The following MIB1 variants were observed in gnomAD, a reference collection of about 807,000 sequenced individuals.
MIB1 encodes MIB E3 ubiquitin protein ligase 1, also known as E3 ubiquitin-protein ligase MIB1.
MIB1 carries 278 observed loss-of-function variants against 124.5 expected under a neutral mutation model. That is an observed-to-expected ratio of 2.23 (90% CI 2.02 to 2.47). The LOEUF (loss-of-function observed/expected upper bound fraction) is 2.47, where lower values mean the gene tolerates loss of function less well. MIB1 is among the 30% of genes most tolerant of loss of function. The pLI is 0.00. For synonymous variants in MIB1, 446 were observed against 429.4 expected, an observed-to-expected ratio of 1.04 and a Z score of -0.48; for missense variants, 957 against 1,254.4, an observed-to-expected ratio of 0.76 and a Z score of 3.58.
rs148027751 is a variant in MIB1 at position 21,796,624 on chromosome 18, A to G, written c.1093-1460A>G. Among the ~76,000 whole-genome samples, 36 of 152,338 alleles carry G rather than the reference A, an allele frequency of 2.4e-4. No homozygotes were observed. The Middle Eastern group carries it at 0.01, about 43-fold the overall frequency. On this transcript the variant is annotated intron_variant, in intron 7 of 20. Transcript: ENST00000261537. The stretch of plus-strand genomic sequence containing the variant: ...CCTATTTCCTAGCTGTATTCATGAA[A>G]ATGCCTCCACTGTGACCATTTTAGT...
Position 21,857,100 on chromosome 18 carries a change from G to A in MIB1, c.2666-30G>A, listed in dbSNP as rs777953160. 6 of 1,447,738 alleles carry A rather than the reference G, an allele frequency of 4.1e-6. No individual in the cohort carries two copies. In the South Asian group the frequency reaches 6.9e-5, roughly 17 times the overall value. The allele number at this position is 1,447,738 out of a possible 1,614,324, so 89.7% of individuals were successfully genotyped here. ...AACACTCCTATTAATGTTCTCTCTT[G>A]TAAGAAGTGTCTGTGTTACCGTTTT... On this transcript the variant is annotated intron_variant, in intron 18 of 20. Transcript: ENST00000261537.
chr18:21,765,483 C>T (rs2041145955), intron 1 of MIB1, among the ~76,000 whole-genome samples: 1 of 152,122 alleles, frequency 6.6e-6, no homozygotes, highest in African/African-American at 2.4e-5. Flanking sequence ...TTCTTTCTTT[C>T]TCTGTGCTGA....
intron 1 of MIB1, among the ~76,000 whole-genome samples, chr18:21,728,474 C>T (rs989282869): frequency 2.0e-5 from 3 of 151,754 alleles, no homozygotes; most frequent in Admixed American, 1.3e-4. Context: ...GCCTGGGAGA[C>T]GAGAAAAAAA....
At chr18:21,827,066 T>C (rs2041931489) in intron 12 of MIB1, 1 of 152,120 alleles carries the variant, frequency 6.6e-6, no homozygotes, top group African/African-American at 2.4e-5. Context: ...CAGTTTCATA[T>C]ACTGGCCATA....
intron 7 of MIB1, among the ~76,000 whole-genome samples, chr18:21,796,080 G>A (rs956937165): frequency 7.2e-5 from 11 of 152,034 alleles, no homozygotes; most frequent in Non-Finnish European, 1.5e-4. Context: ...TTTGAGAAGT[G>A]TATGTTCATA....
chr18:21,720,119 A>G (rs949291349), intron 1 of MIB1, among the ~76,000 whole-genome samples: 11 of 152,200 alleles, frequency 7.2e-5, no homozygotes, highest in African/African-American at 1.9e-4. Flanking sequence ...TTCTATATCA[A>G]TCATACCTCA....
At chr18:21,829,726 C>G (rs1200529031) in intron 12 of MIB1, among the ~76,000 whole-genome samples, 1 of 152,016 alleles carries the variant, frequency 6.6e-6, no homozygotes, top group Non-Finnish European at 1.5e-5. Flanking sequence ...GAAGTTTGCA[C>G]TTTGATGCTT....
rs188534400 is a variant in MIB1, at chr18:21,867,821, A to G, written c.*3155A>G. On this transcript the variant is annotated 3_prime_UTR_variant, in exon 21 of 21. Coordinates refer to ENST00000261537, the MANE Select transcript of MIB1 (RefSeq NM_020774.4). Reference sequence around the variant, plus strand: ...TGTGTTGCCCAATTGCTGTTTGTCCACTCTGAATTCTGGACCCTTTTTGGA... The same window carrying G: ...TGTGTTGCCCAATTGCTGTTTGTCCGCTCTGAATTCTGGACCCTTTTTGGA... 6.6e-6 allele frequency: 1 copy of G among 152,576 alleles called. No individual in the cohort carries two copies. Among genetic ancestry groups the G allele is most frequent in the East Asian group, 1.9e-4 (1 of 5,176 alleles). 9.5% of individuals were successfully genotyped at this position (152,576 alleles called of 1,614,324 possible). A position where few individuals can be genotyped will look rare whatever the true frequency, so the allele number is the denominator to read the frequency against.
At chr18:21,729,357 G>A (rs555170198) in intron 1 of MIB1, among the ~76,000 whole-genome samples, 1 of 152,240 alleles carries the variant, frequency 6.6e-6, no homozygotes, top group South Asian at 2.1e-4. Flanking sequence ...GAGGCTTAGA[G>A]GTCCAAGATC....
At chr18:21,811,619 T>G (rs1447886750) in intron 10 of MIB1, among the ~76,000 whole-genome samples, 2 of 152,102 alleles carry the variant, frequency 1.3e-5, no homozygotes, top group Admixed American at 1.3e-4. Flanking sequence ...AGACAAATAC[T>G]GTATGGTTCC....
chr18:21,779,219 G>T (rs2041328870), intron 5 of MIB1, among the ~76,000 whole-genome samples: 1 of 152,090 alleles, frequency 6.6e-6, no homozygotes, highest in Non-Finnish European at 1.5e-5. Flanking sequence ...ATACAAGGTT[G>T]AATAGTCTTT....
chr18:21,749,641 CTTT>C (rs10653364), intron 1 of MIB1, among the ~76,000 whole-genome samples: 9 of 114,574 alleles, frequency 7.9e-5, no homozygotes, highest in East Asian at 5.0e-4. Context: ...CTACCTTACT[CTTT>C]TTTTTTTTTT....
chr18:21,856,506 T>A (rs1028597600), intron 18 of MIB1, among the ~76,000 whole-genome samples: 1 of 152,212 alleles, frequency 6.6e-6, no homozygotes, highest in African/African-American at 2.4e-5. Flanking sequence ...GTTCATTGTA[T>A]TTTAGCGAAA....
intron 6 of MIB1, among the ~76,000 whole-genome samples, chr18:21,787,564 A>C (rs529792531): frequency 7.2e-5 from 11 of 152,174 alleles, no homozygotes; most frequent in African/African-American, 2.7e-4. Context: ...CACTTTTTCC[A>C]GTGTAGAGAC....
rs1456439204 is a variant in MIB1, at chr18:21,751,868, C to T, written c.229+10056C>T. The stretch of plus-strand genomic sequence containing the variant: ...TGTCAGAACTGCCTCCTTGTTCTAG[C>T]ATTTAATGTTGGATATGAGAAGTCC... On this transcript the variant is annotated intron_variant, in intron 1 of 20. Transcript: ENST00000261537. Among the ~76,000 whole-genome samples, 3 of 152,170 alleles carry T rather than the reference C, an allele frequency of 2.0e-5. No individual in the cohort carries two copies. In the East Asian group the frequency reaches 5.8e-4, roughly 29 times the overall value.
intron 14 of MIB1, 144 bp from the exon 15 acceptor site, chr18:21,843,948 A>G: frequency 1.5e-6 from 1 of 676,492 alleles, no homozygotes; most frequent in Non-Finnish European, 2.5e-6. Flanking sequence ...GTTGGAGAAG[A>G]GTAGAAGGCA....
chr18:21,723,750 G>A (rs561074291), intron 1 of MIB1, among the ~76,000 whole-genome samples: 4 of 152,234 alleles, frequency 2.6e-5, no homozygotes, highest in African/African-American at 7.2e-5. Flanking sequence ...CCCTGACTTC[G>A]TGATCCACCC....
At chr18:21,835,826 C>A (rs573537365) in intron 12 of MIB1, among the ~76,000 whole-genome samples, 2,865 of 71,952 alleles carry the variant, frequency 0.04, 58 homozygotes, top group East Asian at 0.1. Flanking sequence ...CACACACACA[C>A]ACACACACAC....
chr18:21,848,054 G>A (rs2146509916), intron 16 of MIB1, among the ~76,000 whole-genome samples: 1 of 152,232 alleles, frequency 6.6e-6, no homozygotes, highest in East Asian at 1.9e-4. Context: ...GTGATGAAAT[G>A]TCATCTCTTT....
Sources: gnomAD v4.1 joint callset for allele counts (sites outside exome capture counted in the v4.1 genomes callset) on GRCh38, gnomAD v4.1.1 for gene constraint, MANE v1.5 for transcripts, NCBI Gene and HGNC (gene_info 2026-07-23, HGNC 2026-07-21) for gene names.